DOCK11: variants seen among roughly 807,000 people sequenced by gnomAD.
The protein encoded by DOCK11 is dedicator of cytokinesis protein 11.
In DOCK11, 70 loss-of-function variants were observed where a neutral mutation model predicts 169.1. The observed-to-expected ratio is 0.41, with a 90% confidence interval of 0.34 to 0.51. The LOEUF is 0.51. Among genes scored for constraint, DOCK11 ranks in the 20% least tolerant of loss-of-function variants. The pLI, the probability that DOCK11 is intolerant of heterozygous loss-of-function variation, is 0.10. For synonymous variants in DOCK11, 529 were observed against 541.3 expected (o/e 0.98, Z 0.32); for missense variants, 1,166 against 1,538.8 (o/e 0.76, Z 4.05).
At chrX:118,601,346 C>A (rs2014330751) in intron 23 of DOCK11, among the ~76,000 whole-genome samples, 1 of 107,997 alleles carries the variant, frequency 9.3e-6, no homozygotes, top group Non-Finnish European at 1.9e-5. Context: ...ATCGTTTGAG[C>A]CTGGGAGGTT....
At chrX:118,646,010 C>T (rs1603152246) in intron 40 of DOCK11, among the ~76,000 whole-genome samples, 1 of 98,816 alleles carries the variant, frequency 1.0e-5, no homozygotes, top group Admixed American at 1.1e-4. Context: ...GAGCCGAGAT[C>T]GCGCCATTGC....
At chrX:118,633,602 C>T (rs906906319) in intron 35 of DOCK11, 3 of 112,320 alleles carry the variant, frequency 2.7e-5, no homozygotes, top group African/African-American at 9.7e-5. Flanking sequence ...ATTAGAGGAA[C>T]TTTTCGCAAA....
chrX:118,567,794 G>A (rs2013127716), intron 9 of DOCK11, among the ~76,000 whole-genome samples: 1 of 111,515 alleles, frequency 9.0e-6, no homozygotes, highest in Non-Finnish European at 1.9e-5. Context: ...TGTCATCCTG[G>A]ATTGTGCAGC....
intron 44 of DOCK11, among the ~76,000 whole-genome samples, chrX:118,662,341 C>T (rs2016235715): frequency 8.9e-6 from 1 of 112,078 alleles, no homozygotes. Context: ...TGCCTGCCCT[C>T]TTGTTTAGAT....
intron 1 of DOCK11, among the ~76,000 whole-genome samples, chrX:118,515,120 G>T (rs2057674257): frequency 8.9e-6 from 1 of 111,744 alleles, no homozygotes; most frequent in Non-Finnish European, 1.9e-5. Context: ...CCACCTCTTT[G>T]GTCTGTTTCA....
At chrX:118,555,562 GAAAA>G (rs150006034) in intron 6 of DOCK11, among the ~76,000 whole-genome samples, 4 of 94,954 alleles carry the variant, frequency 4.2e-5, no homozygotes, top group African/African-American at 1.6e-4. Context: ...ATCTTGAAAA[GAAAA>G]AAAAAAAACA....
At chrX:118,651,261 C>T (rs941156176) in intron 41 of DOCK11, among the ~76,000 whole-genome samples, 2 of 111,588 alleles carry the variant, frequency 1.8e-5, no homozygotes, top group Non-Finnish European at 3.8e-5. Flanking sequence ...TGGCAAAATC[C>T]TGTCCCTACA....
At position 118,662,675 on chromosome X, in the gene DOCK11, T is replaced by TA; in HGVS notation, c.4970-10dup. 1 of 1,067,806 alleles carries TA rather than the reference T, an allele frequency of 9.4e-7. No homozygotes were observed. Among genetic ancestry groups the TA allele is most frequent in the African/African-American group, 1.8e-5 (1 of 54,999 alleles). The allele number at this position is 1,067,806 out of a possible 1,213,427, so 88.0% of individuals were successfully genotyped here. On this transcript the variant is annotated splice_polypyrimidine_tract_variant and intron_variant, in intron 44 of 52. Coordinates refer to ENST00000276202, the MANE Select transcript of DOCK11 (RefSeq NM_144658.4). ...CATAAATTCACTCCACTGTTTTTTT[T>TA]ATTCACACAGAATTATTTCCTAACG... is the stretch of plus-strand genomic sequence containing the variant.
chrX:118,542,573 G>A, intron 1 of DOCK11, 152 bp from the exon 2 acceptor site: 1 of 462,852 alleles, frequency 2.2e-6, no homozygotes, highest in South Asian at 3.2e-5. Context: ...GTCTAGCTAT[G>A]AAGACTATTT....
intron 31 of DOCK11, among the ~76,000 whole-genome samples, chrX:118,623,734 T>C (rs953801325): frequency 4.4e-5 from 5 of 113,198 alleles, no homozygotes; most frequent in Non-Finnish European, 9.4e-5. Flanking sequence ...CCAGTAATCT[T>C]CTACATTCTA....
At chrX:118,596,152 G>T (rs903795750) in intron 20 of DOCK11, among the ~76,000 whole-genome samples, 3 of 111,970 alleles carry the variant, frequency 2.7e-5, no homozygotes, top group African/African-American at 9.7e-5. Flanking sequence ...TATTTTCTGG[G>T]CTGGAAATCT....
intron 1 of DOCK11, among the ~76,000 whole-genome samples, chrX:118,498,748 GTTTAGGTTTTTT>G (rs1038027699): frequency 1.8e-5 from 2 of 110,422 alleles, no homozygotes; most frequent in Non-Finnish European, 3.8e-5. Flanking sequence ...AGTATTTCCT[GTTTAGGTTTTTT>G]TTTTATTTTT....
intron 6 of DOCK11, among the ~76,000 whole-genome samples, chrX:118,549,845 G>A (rs753536401): frequency 9.0e-6 from 1 of 111,588 alleles, no homozygotes; most frequent in African/African-American, 3.3e-5. Flanking sequence ...GAGATTACAG[G>A]CATCAGCCAC....
At chrX:118,517,338 G>A (rs917098812) in intron 1 of DOCK11, among the ~76,000 whole-genome samples, 2 of 107,918 alleles carry the variant, frequency 1.9e-5, no homozygotes, top group African/African-American at 3.4e-5. Context: ...AGCTATGATC[G>A]CGCCACTGCA....
rs139331617 is a variant in DOCK11 at position 118,550,619 on chromosome X, T to C, written c.558+4503T>C. On this transcript the variant is annotated intron_variant, in intron 6 of 52. Coordinates refer to ENST00000276202, the MANE Select transcript of DOCK11 (RefSeq NM_144658.4). ...ATAGTTTCCAGGCTAGAACTTGAAGTGAAGGCCAAAGCACAAGTCCAGGCC... is the reference window on the plus strand; with the variant it reads ...ATAGTTTCCAGGCTAGAACTTGAAGCGAAGGCCAAAGCACAAGTCCAGGCC... Among the ~76,000 whole-genome samples the C allele has an allele frequency of 3.8e-3, 421 of 111,010 alleles. 4 individuals carry two copies. The highest frequency in any genetic ancestry group is 0.013 in the African/African-American group (406 of 30,524).
At chrX:118,649,494 A>G (rs1453768194) in intron 41 of DOCK11, among the ~76,000 whole-genome samples, 2 of 112,009 alleles carry the variant, frequency 1.8e-5, no homozygotes, top group African/African-American at 6.5e-5. Flanking sequence ...AGAGAAGAGC[A>G]TAGGCTTTAT....
At chrX:118,503,239 T>C (rs2057588622) in intron 1 of DOCK11, among the ~76,000 whole-genome samples, 1 of 110,109 alleles carries the variant, frequency 9.1e-6, no homozygotes, top group African/African-American at 3.3e-5. Context: ...TTTTGTATTT[T>C]TAGTAGAGAT....
intron 20 of DOCK11, among the ~76,000 whole-genome samples, chrX:118,597,221 G>C (rs1311277366): frequency 9.0e-6 from 1 of 111,529 alleles, no homozygotes; most frequent in Non-Finnish European, 1.9e-5. Context: ...CAAAGAAATA[G>C]AGTACATAAC....
At chrX:118,525,470 T>C (rs1056429252) in intron 1 of DOCK11, among the ~76,000 whole-genome samples, 2 of 111,077 alleles carry the variant, frequency 1.8e-5, no homozygotes, top group Admixed American at 1.9e-4. Context: ...GTACCTAGAA[T>C]AGGCAAGTAC....
Sources: gnomAD v4.1 joint callset for allele counts (sites outside exome capture counted in the v4.1 genomes callset) on GRCh38, gnomAD v4.1.1 for gene constraint, MANE v1.5 for transcripts, NCBI Gene and HGNC (gene_info 2026-07-23, HGNC 2026-07-21) for gene names.